Variants in SPOCK1 observed in about 807,000 individuals in gnomAD.
SPOCK1 encodes SPARC (osteonectin), cwcv and kazal like domains proteoglycan 1.
Under a neutral mutation model 55.3 loss-of-function variants are expected in SPOCK1, and 23 were observed. The observed-to-expected ratio is 0.42, with a 90% CI of 0.30 to 0.59. The LOEUF is 0.59. Ranked by LOEUF, SPOCK1 falls within the 20% of genes least tolerant of loss-of-function variation. The pLI is 0.22. For missense variants in SPOCK1, 499 were observed against 552.5 expected, an observed-to-expected ratio of 0.90 and a Z score of 0.97; for synonymous variants, 226 against 221.0, an observed-to-expected ratio of 1.02 and a Z score of -0.20.
intron 6 of SPOCK1, among the ~76,000 whole-genome samples, chr5:137,003,589 TG>T (rs1466791135): frequency 6.6e-6 from 1 of 152,148 alleles, no homozygotes; most frequent in Non-Finnish European, 1.5e-5. Flanking sequence ...TGACAGAAGA[TG>T]TCTTTTTAGG....
chr5:136,992,498 T>C lies in SPOCK1; in HGVS notation c.692A>G (p.Asn231Ser), dbSNP rs1403908008. Reference sequence around the variant, plus strand: ...AATGGTCTTACTGCCTTGGGCTGTGTTGGAGCTGGTGGGCTTGATGACTCT... The same window carrying C: ...AATGGTCTTACTGCCTTGGGCTGTGCTGGAGCTGGTGGGCTTGATGACTCT... Reference protein sequence around the residue: ...ANRVIKPTSSNTAQGRFDTSI... With the variant: ...ANRVIKPTSSSTAQGRFDTSI... The change falls in exon 7 of 11, where the codon AAC becomes AGC. Residue 231 changes from asparagine to serine, a missense_variant. Transcript: ENST00000394945. The C allele has an allele frequency of 1.2e-6, 2 of 1,612,974 alleles. No individual in the cohort carries two copies. The highest frequency in any genetic ancestry group is 2.7e-5 in the African/African-American group (2 of 74,862).
intron 4 of SPOCK1, among the ~76,000 whole-genome samples, chr5:137,137,259 A>G (rs903460527): frequency 7.2e-5 from 11 of 152,220 alleles, no homozygotes; most frequent in Admixed American, 6.5e-5. Flanking sequence ...GCAGAGGCCA[A>G]CTTGGCTGGC....
intron 2 of SPOCK1, among the ~76,000 whole-genome samples, chr5:137,472,221 C>T (rs768354804): frequency 3.3e-5 from 5 of 152,250 alleles, no homozygotes; most frequent in South Asian, 4.2e-4. Flanking sequence ...CTTTAGTCTG[C>T]GGCTGCAATT....
chr5:137,433,501 C>A (rs1237728098), intron 2 of SPOCK1, among the ~76,000 whole-genome samples: 1 of 152,192 alleles, frequency 6.6e-6, no homozygotes, highest in African/African-American at 2.4e-5. Flanking sequence ...TCTGTAGAAT[C>A]CTCCAGATGT....
At chr5:137,153,251 G>T (rs1387178267) in intron 3 of SPOCK1, among the ~76,000 whole-genome samples, 1 of 152,130 alleles carries the variant, frequency 6.6e-6, no homozygotes, top group Non-Finnish European at 1.5e-5. Context: ...CTGTGCAAGG[G>T]GCATCTCTGG....
At chr5:137,079,171 G>T (rs1468254697) in intron 5 of SPOCK1, among the ~76,000 whole-genome samples, 2 of 152,148 alleles carry the variant, frequency 1.3e-5, no homozygotes, top group Non-Finnish European at 2.9e-5. Flanking sequence ...TCTGTCTCTT[G>T]CCCTGTACTT....
chr5:137,365,906 T>C (rs1561516479), intron 2 of SPOCK1, among the ~76,000 whole-genome samples: 1 of 152,170 alleles, frequency 6.6e-6, no homozygotes, highest in Non-Finnish European at 1.5e-5. Context: ...TATTAAATAT[T>C]CTGTAGTACC....
At chr5:137,254,500 G>T (rs973683314) in intron 3 of SPOCK1, among the ~76,000 whole-genome samples, 4 of 152,126 alleles carry the variant, frequency 2.6e-5, no homozygotes, top group African/African-American at 9.7e-5. Flanking sequence ...ATAATGACAA[G>T]ATCTAATATG....
Position 136,990,970 on chromosome 5 carries a change from G to C in SPOCK1, c.706+1514C>G, listed in dbSNP as rs569069062. Among the ~76,000 whole-genome samples, 9 of 152,150 alleles carry C rather than the reference G, an allele frequency of 5.9e-5. No individual in the cohort carries two copies. The East Asian group carries it at 1.6e-3, about 26-fold the overall frequency. ...TGCAGGGACCAAGCAGGGTTCCAGG[G>C]CTTCCCCTTCAGAACTCCTAGACTC... On this transcript the variant is annotated intron_variant, in intron 7 of 10. Coordinates refer to ENST00000394945, the MANE Select transcript of SPOCK1 (RefSeq NM_004598.4).
rs139660576 is a variant in SPOCK1 at position 137,182,332 on chromosome 5, G to A, written c.233-41638C>T. On this transcript the variant is annotated intron_variant, in intron 3 of 10. Transcript: ENST00000394945. ...TCCTGCAGTGCCCTCCATCTGAAACGCCCTTCCCCAGGCTGAATCTTAACT... is the reference window on the plus strand; with the variant it reads ...TCCTGCAGTGCCCTCCATCTGAAACACCCTTCCCCAGGCTGAATCTTAACT... 1.4e-3 allele frequency among the ~76,000 whole-genome samples: 219 copies of A among 152,170 alleles called. 1 individual carries two copies. The highest frequency in any genetic ancestry group is 4.1e-3 in the African/African-American group (171 of 41,514).
intron 2 of SPOCK1, among the ~76,000 whole-genome samples, chr5:137,356,873 A>AGAGAGAGAGAGAGAGAGATAGT (rs796667572): frequency 1.4e-5 from 1 of 69,830 alleles, no homozygotes; most frequent in African/African-American, 7.3e-5. Context: ...AGAGAGAGAG[A>AGAGAGAGAGAGAGAGAGATAGT]GAGTATGCAG....
chr5:137,042,842 T>A (rs1752025907), intron 6 of SPOCK1, among the ~76,000 whole-genome samples: 1 of 152,130 alleles, frequency 6.6e-6, no homozygotes, highest in African/African-American at 2.4e-5. Context: ...TATAAATGTA[T>A]GTACATACAT....
chr5:137,079,149 C>G (rs998716786), intron 5 of SPOCK1, among the ~76,000 whole-genome samples: 6 of 152,222 alleles, frequency 3.9e-5, no homozygotes, highest in Non-Finnish European at 8.8e-5. Flanking sequence ...AGCACCTGCC[C>G]ACCTCTAACA....
At chr5:137,040,348 C>T (rs948279667) in intron 6 of SPOCK1, among the ~76,000 whole-genome samples, 1 of 152,220 alleles carries the variant, frequency 6.6e-6, no homozygotes, top group East Asian at 1.9e-4. Flanking sequence ...TATGTCTTTT[C>T]GCCCAAGCAC....
At chr5:137,317,812 G>A (rs908225591) in intron 2 of SPOCK1, among the ~76,000 whole-genome samples, 1 of 152,064 alleles carries the variant, frequency 6.6e-6, no homozygotes, top group Non-Finnish European at 1.5e-5. Context: ...GTCACGATGG[G>A]CATATTTTCT....
At chr5:137,293,774 T>C (rs961768319) in intron 2 of SPOCK1, among the ~76,000 whole-genome samples, 5 of 151,928 alleles carry the variant, frequency 3.3e-5, no homozygotes, top group Admixed American at 6.6e-5. Flanking sequence ...CCCAGCACTT[T>C]GGGAGGCCGA....
chr5:137,016,671 A>G (rs1252943178), intron 6 of SPOCK1, among the ~76,000 whole-genome samples: 2 of 152,184 alleles, frequency 1.3e-5, no homozygotes, highest in African/African-American at 4.8e-5. Context: ...GACGGGGTAT[A>G]TTTTTCTAGA....
At chr5:137,174,748 C>A (rs1313555419) in intron 3 of SPOCK1, among the ~76,000 whole-genome samples, 2 of 152,232 alleles carry the variant, frequency 1.3e-5, no homozygotes, top group East Asian at 1.9e-4. Context: ...TGGTATTGAT[C>A]AGGGAAGAAA....
chr5:137,235,979 A>C (rs976121494), intron 3 of SPOCK1, among the ~76,000 whole-genome samples: 1 of 152,256 alleles, frequency 6.6e-6, no homozygotes, highest in African/African-American at 2.4e-5. Flanking sequence ...CATCATGCTC[A>C]GACACAGGCA....
Sources: gnomAD v4.1 joint callset for allele counts (sites outside exome capture counted in the v4.1 genomes callset) on GRCh38, gnomAD v4.1.1 for gene constraint, MANE v1.5 for transcripts, NCBI Gene and HGNC (gene_info 2026-07-23, HGNC 2026-07-21) for gene names.